CENPW: variants seen among roughly 807,000 people sequenced by gnomAD.
CENPW encodes cancer-up-regulated gene 2 protein.
A neutral mutation model predicts 11.1 loss-of-function variants in CENPW; 3 were observed. The observed-to-expected ratio is 0.27, with a 90% CI of 0.12 to 0.70. The LOEUF is 0.70. Ranked by LOEUF, CENPW falls within the 30% of genes least tolerant of loss-of-function variation. The probability of loss-of-function intolerance (pLI) is 0.77; values close to 1 mark genes in which losing one functional copy is unlikely to be tolerated. For missense variants in CENPW, 100 were observed against 105.6 expected (o/e 0.95, Z 0.23); for synonymous variants, 38 against 42.0 (o/e 0.91, Z 0.37).
the CENPW span, among the ~76,000 whole-genome samples, chr6:126,476,029 A>G: frequency 0.011 from 1,604 of 150,416 alleles, 24 homozygotes; most frequent in African/African-American, 0.038. Context: ...CAAATCCCTG[A>G]CTCTAATTCC....
intron 1 of CENPW, among the ~76,000 whole-genome samples, chr6:126,342,987 A>G (rs1032671173): frequency 6.6e-6 from 1 of 152,104 alleles, no homozygotes; most frequent in Non-Finnish European, 1.5e-5. Flanking sequence ...CTAGGGAGAG[A>G]GTTAACATCT....
chr6:126,369,753 C>A, the CENPW span, among the ~76,000 whole-genome samples: 626 of 152,250 alleles, frequency 4.1e-3, 4 homozygotes, highest in African/African-American at 0.014. Context: ...CTCATTGTTT[C>A]TTTTGCTGTG....
intron 1 of CENPW, among the ~76,000 whole-genome samples, 185 bp from the exon 2 acceptor site, chr6:126,346,020 T>C (rs914248973): frequency 6.6e-6 from 1 of 152,226 alleles, no homozygotes; most frequent in African/African-American, 2.4e-5. Flanking sequence ...CGAAGTCTCT[T>C]TGCAGGGAAT....
chr6:126,382,736 TA>T, the CENPW span, among the ~76,000 whole-genome samples: 5 of 151,704 alleles, frequency 3.3e-5, no homozygotes, highest in East Asian at 1.9e-4. Flanking sequence ...TTAACAAGAA[TA>T]AAAAAAATTA....
the CENPW span, among the ~76,000 whole-genome samples, chr6:126,388,124 G>A: frequency 1.3e-5 from 2 of 151,916 alleles, no homozygotes; most frequent in Admixed American, 1.3e-4. Flanking sequence ...ATAAAGGAAG[G>A]TGACTAAACT....
chr6:126,434,762 A>G, the CENPW span, among the ~76,000 whole-genome samples: 1 of 152,006 alleles, frequency 6.6e-6, no homozygotes, highest in East Asian at 1.9e-4. Flanking sequence ...CATATAATAA[A>G]ATAAGAAATT....
At chr6:126,420,797 T>C in the CENPW span, among the ~76,000 whole-genome samples, 901 of 152,090 alleles carry the variant, frequency 5.9e-3, 8 homozygotes, top group African/African-American at 0.02. Flanking sequence ...TAAGAGAAAA[T>C]TGCATTAAAG....
At chr6:126,418,954 A>G in the CENPW span, among the ~76,000 whole-genome samples, 1 of 136,564 alleles carries the variant, frequency 7.3e-6, no homozygotes. Flanking sequence ...GGGGGGAGGG[A>G]TAGCATTAGG....
At chr6:126,386,873 A>G in the CENPW span, among the ~76,000 whole-genome samples, 4 of 151,996 alleles carry the variant, frequency 2.6e-5, no homozygotes, top group Admixed American at 1.3e-4. Context: ...GGGAGTGCCA[A>G]GGTAGGAAGA....
the CENPW span, among the ~76,000 whole-genome samples, chr6:126,417,336 C>T: frequency 6.6e-6 from 1 of 152,126 alleles, no homozygotes; most frequent in East Asian, 1.9e-4. Flanking sequence ...AGGGACTTGT[C>T]ACAGATGAGA....
At chr6:126,345,608 AT>A (rs781768505) in intron 1 of CENPW, among the ~76,000 whole-genome samples, 2 of 152,018 alleles carry the variant, frequency 1.3e-5, no homozygotes, top group East Asian at 1.9e-4. Context: ...ATTTTAAATA[AT>A]TTTTTAAAAA....
chr6:126,418,550 A>G, the CENPW span, among the ~76,000 whole-genome samples: 1 of 152,136 alleles, frequency 6.6e-6, no homozygotes, highest in Non-Finnish European at 1.5e-5. Flanking sequence ...ATTCTTTATG[A>G]TACTTATGGT....
the CENPW span, among the ~76,000 whole-genome samples, chr6:126,355,681 C>T: frequency 6.6e-6 from 1 of 152,124 alleles, no homozygotes; most frequent in African/African-American, 2.4e-5. Flanking sequence ...TGTTGAATAT[C>T]AGGTACAAGA....
At chr6:126,364,134 C>T in the CENPW span, among the ~76,000 whole-genome samples, 1 of 152,088 alleles carries the variant, frequency 6.6e-6, no homozygotes, top group Non-Finnish European at 1.5e-5. Flanking sequence ...GTAAGCAATA[C>T]CTGGCATTAA....
chr6:126,411,660 G>A, the CENPW span, among the ~76,000 whole-genome samples: 1 of 152,012 alleles, frequency 6.6e-6, no homozygotes, highest in Non-Finnish European at 1.5e-5. Flanking sequence ...CTCTACCTCT[G>A]GGGTACAGGG....
At chr6:126,425,038 T>G in the CENPW span, among the ~76,000 whole-genome samples, 1 of 152,140 alleles carries the variant, frequency 6.6e-6, no homozygotes, top group Non-Finnish European at 1.5e-5. Context: ...CGTGGCTCTA[T>G]TTTGAACTAC....
chr6:126,422,127 C>A, the CENPW span, among the ~76,000 whole-genome samples: 1 of 151,898 alleles, frequency 6.6e-6, no homozygotes, highest in Non-Finnish European at 1.5e-5. Flanking sequence ...CATGTGTGTA[C>A]GTGTGTATGC....
chr6:126,451,070 T>C, the CENPW span, among the ~76,000 whole-genome samples: 1 of 151,076 alleles, frequency 6.6e-6, no homozygotes, highest in Non-Finnish European at 1.5e-5. Context: ...ATATTAGTAA[T>C]TCTGTTTCAG....
At chr6:126,390,792 A>G in the CENPW span, among the ~76,000 whole-genome samples, 1 of 151,992 alleles carries the variant, frequency 6.6e-6, no homozygotes, top group African/African-American at 2.4e-5. Context: ...GTTGTCACAA[A>G]TGACGTGATC....
Sources: gnomAD v4.1 joint callset for allele counts (sites outside exome capture counted in the v4.1 genomes callset) on GRCh38, gnomAD v4.1.1 for gene constraint, MANE v1.5 for transcripts, NCBI Gene and HGNC (gene_info 2026-07-23, HGNC 2026-07-21) for gene names.